Variants in CFAP96 observed in about 807,000 individuals in gnomAD.
CFAP96 encodes cilia-and flagella-associated protein 96.
chr4:185,448,290 G>T, the CFAP96 span, among the ~76,000 whole-genome samples: 3 of 151,410 alleles, frequency 2.0e-5, no homozygotes, highest in Admixed American at 6.6e-5. Flanking sequence ...CAAAGTGCTG[G>T]GATTAAGTGC....
At chr4:185,414,850 T>C in the CFAP96 span, among the ~76,000 whole-genome samples, 11 of 152,208 alleles carry the variant, frequency 7.2e-5, no homozygotes. Flanking sequence ...CCAGCAACTT[T>C]AGGCATGTAA....
the CFAP96 span, among the ~76,000 whole-genome samples, chr4:185,433,428 T>C: frequency 6.8e-6 from 1 of 146,312 alleles, no homozygotes; most frequent in Non-Finnish European, 1.5e-5. Flanking sequence ...AGAAAAGTAA[T>C]GTTCATTCAC....
chr4:185,421,421 C>T, the CFAP96 span, among the ~76,000 whole-genome samples: 2 of 152,166 alleles, frequency 1.3e-5, no homozygotes, highest in Non-Finnish European at 2.9e-5. Context: ...ATCATGATCC[C>T]TCATGAATGG....
the CFAP96 span, among the ~76,000 whole-genome samples, chr4:185,417,452 G>C: frequency 6.6e-6 from 1 of 152,120 alleles, no homozygotes; most frequent in African/African-American, 2.4e-5. Context: ...ACCCACACAA[G>C]AAACTGATCT....
the CFAP96 span, chr4:185,418,727 C>G: frequency 1.2e-6 from 2 of 1,612,578 alleles, no homozygotes; most frequent in East Asian, 4.5e-5. Context: ...GCTTAGTTGA[C>G]AGGTCACTCA....
chr4:185,424,651 T>G, the CFAP96 span, among the ~76,000 whole-genome samples: 1 of 152,102 alleles, frequency 6.6e-6, no homozygotes, highest in Non-Finnish European at 1.5e-5. Flanking sequence ...TAATAAGAAA[T>G]CAGTTAAATA....
At chr4:185,437,124 C>T in the CFAP96 span, among the ~76,000 whole-genome samples, 2 of 152,060 alleles carry the variant, frequency 1.3e-5, no homozygotes, top group Non-Finnish European at 2.9e-5. Context: ...GGAGTGGAGG[C>T]GTGATGGGAA....
At chr4:185,449,793 A>C in the CFAP96 span, 1 of 514,126 alleles carries the variant, frequency 1.9e-6, no homozygotes, top group South Asian at 3.6e-5. Context: ...CCTTATTTTA[A>C]TACTACTAGT....
the CFAP96 span, chr4:185,418,343 CTA>C: frequency 1.1e-6 from 1 of 908,500 alleles, no homozygotes; most frequent in South Asian, 1.8e-5. Flanking sequence ...ATATTCTGAC[CTA>C]TGATAAGAGG....
chr4:185,429,357 C>A, the CFAP96 span: 3 of 1,062,742 alleles, frequency 2.8e-6, no homozygotes, highest in Middle Eastern at 2.0e-4. Flanking sequence ...AACACGTGAC[C>A]CTAGGGAAAC....
chr4:185,418,471 C>T, the CFAP96 span: 1 of 1,611,050 alleles, frequency 6.2e-7, no homozygotes, highest in Non-Finnish European at 8.5e-7. Flanking sequence ...CCTTCTTTCT[C>T]ATGAATTTTC....
chr4:185,414,924 G>A, the CFAP96 span, among the ~76,000 whole-genome samples: 2 of 152,098 alleles, frequency 1.3e-5, no homozygotes, highest in South Asian at 2.1e-4. Context: ...GAACCACACC[G>A]AGCATTTAAA....
chr4:185,438,967 A>C, the CFAP96 span, among the ~76,000 whole-genome samples: 1 of 152,206 alleles, frequency 6.6e-6, no homozygotes, highest in African/African-American at 2.4e-5. Context: ...GGCTTTGAAT[A>C]GTTTTCTCAT....
the CFAP96 span, among the ~76,000 whole-genome samples, chr4:185,429,925 C>T: frequency 2.6e-5 from 4 of 152,136 alleles, no homozygotes; most frequent in East Asian, 1.9e-4. Flanking sequence ...CCCCACTCAG[C>T]GTGCCGTAGT....
chr4:185,411,352 C>T, the CFAP96 span, among the ~76,000 whole-genome samples: 1 of 152,104 alleles, frequency 6.6e-6, no homozygotes, highest in Non-Finnish European at 1.5e-5. Flanking sequence ...GATCATACCA[C>T]TCTTATATAA....
At chr4:185,409,124 A>G in the CFAP96 span, among the ~76,000 whole-genome samples, 1 of 152,320 alleles carries the variant, frequency 6.6e-6, no homozygotes, top group South Asian at 2.1e-4. Context: ...TAAATGCTGA[A>G]TGAATGAAGG....
chr4:185,436,184 G>A, the CFAP96 span: 1 of 1,547,824 alleles, frequency 6.5e-7, no homozygotes, highest in Non-Finnish European at 8.7e-7. Context: ...CTGGATATGG[G>A]TAAGATATTT....
chr4:185,427,131 C>T, the CFAP96 span, among the ~76,000 whole-genome samples: 1 of 152,094 alleles, frequency 6.6e-6, no homozygotes, highest in African/African-American at 2.4e-5. Flanking sequence ...GAATTTCTTC[C>T]CTCCCTCCTC....
chr4:185,415,744 C>A, the CFAP96 span: 2 of 1,613,302 alleles, frequency 1.2e-6, no homozygotes, highest in Non-Finnish European at 1.7e-6. Context: ...ACAGATATAA[C>A]TGCATCGACA....
Sources: allele counts gnomAD v4.1 joint callset (sites outside exome capture counted in the v4.1 genomes callset), GRCh38; gene constraint gnomAD v4.1.1; transcripts MANE v1.5; gene names NCBI Gene and HGNC (gene_info 2026-07-23, HGNC 2026-07-21).